The following RPH3A variants were observed in gnomAD, a reference collection of about 807,000 sequenced individuals.
RPH3A encodes the protein rabphilin-3A.
RPH3A carries 48 observed loss-of-function variants against 102.2 expected under a neutral mutation model. The observed-to-expected ratio is 0.47, with a 90% CI of 0.37 to 0.60. The LOEUF (loss-of-function observed/expected upper bound fraction) is 0.60, where lower values mean the gene tolerates loss of function less well. Among genes scored for constraint, RPH3A ranks in the 20% least tolerant of loss-of-function variants. The pLI, the probability that RPH3A is intolerant of heterozygous loss-of-function variation, is 0.00. For missense variants in RPH3A, 781 were observed against 910.1 expected (o/e 0.86, Z 1.83); for synonymous variants, 310 against 324.3 (o/e 0.96, Z 0.47).
intron 1 of RPH3A, among the ~76,000 whole-genome samples, chr12:112,599,719 G>A (rs1025520286): frequency 2.6e-5 from 4 of 152,188 alleles, no homozygotes; most frequent in African/African-American, 9.7e-5. Flanking sequence ...CAACCATGTA[G>A]AAGGCAAAGT....
At chr12:112,813,553 C>T (rs756857628) in intron 2 of RPH3A, among the ~76,000 whole-genome samples, 1 of 152,178 alleles carries the variant, frequency 6.6e-6, no homozygotes, top group South Asian at 2.1e-4. Context: ...GTGAACACAG[C>T]TGGACTGTGT....
chr12:112,872,335 AT>A (rs1395244149), intron 10 of RPH3A, among the ~76,000 whole-genome samples: 1 of 152,080 alleles, frequency 6.6e-6, no homozygotes, highest in Non-Finnish European at 1.5e-5. Flanking sequence ...GCTTTTGGCC[AT>A]TTGGATATTT....
At chr12:112,682,633 C>T (rs997409361) in intron 1 of RPH3A, among the ~76,000 whole-genome samples, 1 of 152,150 alleles carries the variant, frequency 6.6e-6, no homozygotes, top group African/African-American at 2.4e-5. Flanking sequence ...GCTCTGCCAT[C>T]CCTTAGAACT....
chr12:112,770,519 T>G (rs181373570), intron 1 of RPH3A, among the ~76,000 whole-genome samples: 23 of 152,122 alleles, frequency 1.5e-4, no homozygotes, highest in African/African-American at 5.3e-4. Flanking sequence ...CTAATTTTTG[T>G]TTTTGGTAGA....
At chr12:112,693,978 C>A (rs1263048491) in intron 1 of RPH3A, among the ~76,000 whole-genome samples, 1 of 152,204 alleles carries the variant, frequency 6.6e-6, no homozygotes, top group African/African-American at 2.4e-5. Flanking sequence ...AGGAGCCTTG[C>A]AATGGCTTTC....
At chr12:112,575,821 T>A (rs1209454143) in intron 1 of RPH3A, among the ~76,000 whole-genome samples, 1 of 152,070 alleles carries the variant, frequency 6.6e-6, no homozygotes, top group Non-Finnish European at 1.5e-5. Flanking sequence ...TGTGTCTGAT[T>A]TTTACCCGCA....
chr12:112,632,132 G>T (rs890327473), intron 1 of RPH3A, among the ~76,000 whole-genome samples: 4 of 152,086 alleles, frequency 2.6e-5, no homozygotes, highest in Non-Finnish European at 5.9e-5. Context: ...CCCTGCACAA[G>T]CTCTCTCTCT....
intron 8 of RPH3A, chr12:112,869,477 C>T (rs183700888): frequency 4.3e-4 from 165 of 385,800 alleles, no homozygotes; most frequent in Non-Finnish European, 6.5e-4. Flanking sequence ...GTTTTCACCA[C>T]TAAAATACTC....
At chr12:112,694,308 C>A (rs1302876646) in intron 1 of RPH3A, among the ~76,000 whole-genome samples, 3 of 152,202 alleles carry the variant, frequency 2.0e-5, no homozygotes, top group Non-Finnish European at 4.4e-5. Flanking sequence ...GCTGCTCCAC[C>A]TCTTAGCTGA....
intron 1 of RPH3A, among the ~76,000 whole-genome samples, chr12:112,703,286 C>G (rs1385056360): frequency 6.6e-6 from 1 of 152,172 alleles, no homozygotes; most frequent in Non-Finnish European, 1.5e-5. Context: ...GTTTGTTACA[C>G]AGCATATTGT....
chr12:112,889,902 C>T (rs996952507), intron 17 of RPH3A, 122 bp from the exon 18 acceptor site: 2 of 866,926 alleles, frequency 2.3e-6, no homozygotes, highest in African/African-American at 1.7e-5. Flanking sequence ...GCCACAGTAG[C>T]TTAAGAACCC....
chr12:112,765,113 C>G (rs191974318), intron 1 of RPH3A, among the ~76,000 whole-genome samples: 26 of 152,224 alleles, frequency 1.7e-4, no homozygotes, highest in Non-Finnish European at 1.5e-5. Context: ...ACTAAAAGTT[C>G]TCCATTCATC....
intron 1 of RPH3A, among the ~76,000 whole-genome samples, chr12:112,752,122 G>A (rs2040789340): frequency 6.6e-6 from 1 of 152,104 alleles, no homozygotes; most frequent in Non-Finnish European, 1.5e-5. Context: ...TATACAATAA[G>A]CACATATGAC....
chr12:112,609,056 C>T (rs138042462), intron 1 of RPH3A, among the ~76,000 whole-genome samples: 128 of 152,252 alleles, frequency 8.4e-4, no homozygotes, highest in African/African-American at 2.9e-3. Flanking sequence ...TCTCATTGGA[C>T]GATGCCAGAT....
At chr12:112,861,682 G>T (rs987359774) in intron 5 of RPH3A, among the ~76,000 whole-genome samples, 1 of 152,168 alleles carries the variant, frequency 6.6e-6, no homozygotes, top group Non-Finnish European at 1.5e-5. Context: ...GGAAACAAAA[G>T]TAATCCTTAG....
intron 5 of RPH3A, among the ~76,000 whole-genome samples, chr12:112,859,522 G>A (rs141704908): frequency 6.6e-6 from 1 of 152,282 alleles, no homozygotes; most frequent in African/African-American, 2.4e-5. Context: ...ATCTTGGTGT[G>A]TTTCCTTCCT....
chr12:112,659,976 A>G (rs2136002408), intron 1 of RPH3A, among the ~76,000 whole-genome samples: 1 of 152,302 alleles, frequency 6.6e-6, no homozygotes, highest in African/African-American at 2.4e-5. Context: ...AATGGTTTTT[A>G]GAAGCTAGGA....
intron 1 of RPH3A, among the ~76,000 whole-genome samples, chr12:112,774,010 G>C (rs1262056668): frequency 1.4e-5 from 2 of 146,276 alleles, no homozygotes; most frequent in African/African-American, 5.1e-5. Flanking sequence ...GCTTGAGCCC[G>C]GGAGGCGGAG....
At position 112,879,290 on chromosome 12, in the gene RPH3A, G is replaced by A. The variant is rs757790318; in HGVS notation, c.1251+92G>A. ...GGATGGATGACCAGGCCTGTCTCCT[G>A]TTGTTGCTTGTCTATCGATGATAGT... On this transcript the variant is annotated intron_variant, in intron 14 of 21. Transcript: ENST00000389385. 7 of 1,064,760 alleles carry A rather than the reference G, an allele frequency of 6.6e-6. No homozygotes were observed. In the East Asian group the frequency reaches 1.5e-4, roughly 22 times the overall value. The allele number at this position is 1,064,760 out of a possible 1,614,324, so 66.0% of individuals were successfully genotyped here. A position where few individuals can be genotyped will look rare whatever the true frequency, so the allele number is the denominator to read the frequency against.
Sources: allele counts gnomAD v4.1 joint callset (sites outside exome capture counted in the v4.1 genomes callset), GRCh38; gene constraint gnomAD v4.1.1; transcripts MANE v1.5; gene names NCBI Gene and HGNC (gene_info 2026-07-23, HGNC 2026-07-21).